The following ARHGEF26 variants were observed in gnomAD, a reference collection of about 807,000 sequenced individuals.
ARHGEF26 encodes Rho guanine nucleotide exchange factor 26, also known as Rho guanine nucleotide exchange factor (GEF) 26.
In ARHGEF26, 59 loss-of-function variants were observed where a neutral mutation model predicts 89.4. The ratio of observed to expected loss-of-function variants is 0.66; its 90% CI spans 0.54 to 0.82. The LOEUF is 0.82. ARHGEF26 is among the 40% of genes least tolerant of loss of function. The pLI, the probability that ARHGEF26 is intolerant of heterozygous loss-of-function variation, is 0.00. For missense variants in ARHGEF26, 1,234 were observed against 1,085.6 expected (o/e 1.14, Z -1.92); for synonymous variants, 500 against 428.4 (o/e 1.17, Z -2.06).
intron 9 of ARHGEF26, among the ~76,000 whole-genome samples, chr3:154,207,169 T>C (rs1715069686): frequency 6.6e-6 from 1 of 152,094 alleles, no homozygotes; most frequent in African/African-American, 2.4e-5. Context: ...GAAAACCTGG[T>C]CATACCATTC....
At chr3:154,126,938 G>A (rs1030444483) in intron 3 of ARHGEF26, among the ~76,000 whole-genome samples, 4 of 152,180 alleles carry the variant, frequency 2.6e-5, no homozygotes, top group African/African-American at 9.7e-5. Flanking sequence ...GCATGTTACT[G>A]TACTGAATAC....
intron 12 of ARHGEF26, 53 bp from the exon 13 acceptor site, chr3:154,253,063 A>G (rs1469433590): frequency 2.5e-6 from 4 of 1,604,382 alleles, no homozygotes; most frequent in East Asian, 4.5e-5. Flanking sequence ...AAAACACTCC[A>G]TTCTGTGTTT....
intron 5 of ARHGEF26, among the ~76,000 whole-genome samples, chr3:154,151,921 G>C (rs1000918048): frequency 6.6e-6 from 1 of 152,102 alleles, no homozygotes; most frequent in Non-Finnish European, 1.5e-5. Flanking sequence ...GTGAATCTTA[G>C]GCCTGCATTT....
In ARHGEF26 at chr3:154,172,981, A is replaced by G. The variant is rs918437556; in HGVS notation, c.1488-14704A>G. Among the ~76,000 whole-genome samples the G allele has an allele frequency of 3.9e-5, 6 of 152,306 alleles. No individual in the cohort carries two copies. In the South Asian group the frequency reaches 1.0e-3, roughly 26 times the overall value. ...TGAAGTAAAATGCTTATTAAGGATC[A>G]TGAGTACCAATTTTCACATATGTCG... On this transcript the variant is annotated intron_variant, in intron 6 of 14. Transcript: ENST00000465093.
chr3:154,237,502 A>C (rs1049350337), intron 11 of ARHGEF26, among the ~76,000 whole-genome samples: 47 of 150,800 alleles, frequency 3.1e-4, no homozygotes, highest in African/African-American at 9.5e-4. Context: ...AGAGTGCACC[A>C]CTGCACTCCA....
At chr3:154,225,236 C>G (rs192080430) in intron 10 of ARHGEF26, among the ~76,000 whole-genome samples, 1 of 152,182 alleles carries the variant, frequency 6.6e-6, no homozygotes, top group African/African-American at 2.4e-5. Context: ...ATTTTCACAG[C>G]CAGAAAGTAG....
chr3:154,244,249 C>G (rs1349525231), intron 12 of ARHGEF26, among the ~76,000 whole-genome samples: 2 of 152,148 alleles, frequency 1.3e-5, no homozygotes, highest in Admixed American at 6.5e-5. Flanking sequence ...TGAGGATATA[C>G]AACATGTAAA....
intron 9 of ARHGEF26, among the ~76,000 whole-genome samples, chr3:154,204,116 T>C (rs962302672): frequency 6.6e-6 from 1 of 152,072 alleles, no homozygotes; most frequent in African/African-American, 2.4e-5. Context: ...AGTGAGGCCA[T>C]TGAGTGTCAG....
Position 154,122,870 on chromosome 3 carries a change from G to C in ARHGEF26, c.878G>C (p.Gly293Ala). ...EGLGGPLGHA[G>A]EESEVDNDVD... ...CTAGGAGGACCCCTGGGTCACGCAGGGGAGGAGAGTGAGGTCGATAACGAC... is the reference window on the plus strand; with the variant it reads ...CTAGGAGGACCCCTGGGTCACGCAGCGGAGGAGAGTGAGGTCGATAACGAC... Residue 293 changes from glycine to alanine, a missense_variant, in exon 2 of 15, where the codon GGG (glycine) becomes GCG (alanine). Transcript: ENST00000465093. 3.1e-6 allele frequency: 5 copies of C among 1,613,002 alleles called. No individual in the cohort carries two copies. Among genetic ancestry groups the C allele is most frequent in the Non-Finnish European group, 4.2e-6 (5 of 1,179,514 alleles).
chr3:154,186,228 C>T (rs1338529007), intron 6 of ARHGEF26, among the ~76,000 whole-genome samples: 1 of 151,658 alleles, frequency 6.6e-6, no homozygotes, highest in Admixed American at 6.6e-5. Flanking sequence ...GAATATACCC[C>T]AGAGACTTGA....
In ARHGEF26 at chr3:154,129,557, G is replaced by A. The variant is rs938483328; in HGVS notation, c.1124-17G>A. The A allele has an allele frequency of 2.5e-6, 4 of 1,608,562 alleles. No homozygotes were observed. The highest frequency in any genetic ancestry group is 2.7e-5 in the African/African-American group (2 of 74,846). ...ATTGAGAACAATTAGTGACACATAG[G>A]CCTTGTTTTCTTGCAGAAAATGCTG... On this transcript the variant is annotated splice_polypyrimidine_tract_variant and intron_variant, in intron 3 of 14. Coordinates refer to ENST00000465093, the MANE Select transcript of ARHGEF26 (RefSeq NM_015595.4).
At chr3:154,129,886 C>T (rs1718575062) in intron 4 of ARHGEF26, among the ~76,000 whole-genome samples, 167 bp downstream of exon 4, 1 of 152,136 alleles carries the variant, frequency 6.6e-6, no homozygotes, top group Admixed American at 6.5e-5. Context: ...CTAATGAGAA[C>T]ATGAACTTTG....
At chr3:154,127,897 C>A (rs1286067352) in intron 3 of ARHGEF26, among the ~76,000 whole-genome samples, 1 of 152,088 alleles carries the variant, frequency 6.6e-6, no homozygotes, top group Non-Finnish European at 1.5e-5. Flanking sequence ...TGTGGTTTGT[C>A]ATTGATCAAA....
chr3:154,243,552 A>T (rs756254924), intron 12 of ARHGEF26, among the ~76,000 whole-genome samples: 1 of 152,176 alleles, frequency 6.6e-6, no homozygotes, highest in Non-Finnish European at 1.5e-5. Context: ...AATCTTGCCA[A>T]AGACTGAATG....
intron 12 of ARHGEF26, among the ~76,000 whole-genome samples, chr3:154,243,730 T>C (rs1161417773): frequency 6.6e-6 from 1 of 151,870 alleles, no homozygotes; most frequent in Non-Finnish European, 1.5e-5. Flanking sequence ...ACTCTCTCAT[T>C]CTCTTTGCTC....
chr3:154,212,632 C>T (rs1378746879), intron 9 of ARHGEF26, among the ~76,000 whole-genome samples: 5 of 151,998 alleles, frequency 3.3e-5, no homozygotes, highest in African/African-American at 4.8e-5. Flanking sequence ...TAGGTGGTTT[C>T]GGGATGAAAC....
chr3:154,129,816 T>A, intron 4 of ARHGEF26, 97 bp downstream of exon 4: 1 of 1,342,014 alleles, frequency 7.5e-7, no homozygotes. Flanking sequence ...CCAGTGATCC[T>A]GTAACTAAGG....
chr3:154,187,537 T>A (rs1052007199), intron 6 of ARHGEF26, 148 bp from the exon 7 acceptor site: 15 of 603,512 alleles, frequency 2.5e-5, no homozygotes, highest in Non-Finnish European at 3.9e-5. Flanking sequence ...TTAGATAAAA[T>A]TTTTATAGAT....
chr3:154,177,601 A>G (rs975550465), intron 6 of ARHGEF26, among the ~76,000 whole-genome samples: 11 of 152,148 alleles, frequency 7.2e-5, no homozygotes, highest in African/African-American at 2.7e-4. Context: ...ATTTGGATCT[A>G]TAGAGTGGTT....
Sources: gnomAD v4.1 joint callset for allele counts (sites outside exome capture counted in the v4.1 genomes callset) on GRCh38, gnomAD v4.1.1 for gene constraint, MANE v1.5 for transcripts, NCBI Gene and HGNC (gene_info 2026-07-23, HGNC 2026-07-21) for gene names.